Variants in HCN1 observed in about 807,000 individuals in gnomAD.
The protein encoded by HCN1 is potassium/sodium hyperpolarization-activated cyclic nucleotide-gated channel 1.
HCN1 carries 13 observed loss-of-function variants against 78.9 expected under a neutral mutation model. The observed-to-expected ratio is 0.16, with a 90% CI of 0.11 to 0.26. The LOEUF is 0.26. HCN1 is among the 10% of genes least tolerant of loss of function. The pLI, the probability that HCN1 is intolerant of heterozygous loss-of-function variation, is 1.00. For missense variants in HCN1, 810 were observed against 1,154.3 expected (o/e 0.70, Z 4.32); for synonymous variants, 552 against 455.5 (o/e 1.21, Z -2.70).
intron 2 of HCN1, among the ~76,000 whole-genome samples, chr5:45,639,253 T>C (rs1745411143): frequency 6.6e-6 from 1 of 152,184 alleles, no homozygotes; most frequent in Non-Finnish European, 1.5e-5. Context: ...AGAGGACACC[T>C]AGTGGTCTTT....
chr5:45,554,404 T>C (rs1579965929), intron 2 of HCN1, among the ~76,000 whole-genome samples: 2 of 151,726 alleles, frequency 1.3e-5, no homozygotes, highest in African/African-American at 4.8e-5. Context: ...ATAAATGTAT[T>C]ACCATCTTGC....
intron 2 of HCN1, among the ~76,000 whole-genome samples, chr5:45,538,829 G>A (rs982676998): frequency 6.6e-6 from 1 of 152,208 alleles, no homozygotes; most frequent in South Asian, 2.1e-4. Context: ...TTATTAAATT[G>A]CACTCAAAAA....
chr5:45,678,457 G>A (rs2112085259), intron 1 of HCN1, among the ~76,000 whole-genome samples: 1 of 151,918 alleles, frequency 6.6e-6, no homozygotes, highest in Non-Finnish European at 1.5e-5. Context: ...CATTTATATA[G>A]TGGTAGATTG....
intron 6 of HCN1, among the ~76,000 whole-genome samples, chr5:45,301,330 T>A (rs367559545): frequency 1.3e-5 from 2 of 151,298 alleles, no homozygotes; most frequent in Admixed American, 6.6e-5. Context: ...AAAAAATGTA[T>A]TTAGAATATG....
At chr5:45,263,177 A>C (rs1409474166) in intron 7 of HCN1, among the ~76,000 whole-genome samples, 1 of 152,322 alleles carries the variant, frequency 6.6e-6, no homozygotes, top group East Asian at 1.9e-4. Context: ...TCAAGAAAGG[A>C]CCATGGAGAC....
intron 6 of HCN1, among the ~76,000 whole-genome samples, chr5:45,290,705 C>A (rs1745355238): frequency 6.6e-6 from 1 of 151,958 alleles, no homozygotes; most frequent in Non-Finnish European, 1.5e-5. Flanking sequence ...ATGTGTTAGT[C>A]ATGATGCTGA....
At chr5:45,346,190 C>T (rs1746703255) in intron 5 of HCN1, among the ~76,000 whole-genome samples, 1 of 152,190 alleles carries the variant, frequency 6.6e-6, no homozygotes, top group Admixed American at 6.5e-5. Flanking sequence ...CGGGGTCCCT[C>T]CCATGATATG....
chr5:45,543,146 A>C (rs1743138547), intron 2 of HCN1, among the ~76,000 whole-genome samples: 1 of 152,128 alleles, frequency 6.6e-6, no homozygotes, highest in African/African-American at 2.4e-5. Flanking sequence ...TTTTAAGTTT[A>C]TATGTGTATT....
chr5:45,412,660 G>A (rs530665454), intron 3 of HCN1, among the ~76,000 whole-genome samples: 7 of 152,144 alleles, frequency 4.6e-5, no homozygotes, highest in East Asian at 1.9e-4. Context: ...ATTTGAATGC[G>A]TGTATGTTGC....
chr5:45,499,380 A>C (rs1742139364), intron 2 of HCN1, among the ~76,000 whole-genome samples: 1 of 152,024 alleles, frequency 6.6e-6, no homozygotes, highest in Non-Finnish European at 1.5e-5. Flanking sequence ...CCTTTCTTTG[A>C]CTAGGAAAGG....
chr5:45,620,074 A>C (rs2111992955), intron 2 of HCN1, among the ~76,000 whole-genome samples: 1 of 152,222 alleles, frequency 6.6e-6, no homozygotes, highest in African/African-American at 2.4e-5. Context: ...ATTTTTCCTA[A>C]GTGAATAATG....
At chr5:45,661,305 G>A (rs1375117265) in intron 1 of HCN1, among the ~76,000 whole-genome samples, 1 of 136,940 alleles carries the variant, frequency 7.3e-6, no homozygotes, top group Non-Finnish European at 1.6e-5. Context: ...ATTCAAAGCA[G>A]TGTGTAGAGG....
chr5:45,516,591 T>A, intron 2 of HCN1, among the ~76,000 whole-genome samples: 1 of 151,960 alleles, frequency 6.6e-6, no homozygotes, highest in East Asian at 1.9e-4. Flanking sequence ...TTTTTGTAAC[T>A]CTATTGGAAA....
intron 2 of HCN1, among the ~76,000 whole-genome samples, chr5:45,579,934 G>A (rs377390918): frequency 6.6e-6 from 1 of 152,072 alleles, no homozygotes; most frequent in African/African-American, 2.4e-5. Flanking sequence ...AACTCCTTTC[G>A]GATGGTCAAA....
At chr5:45,305,160 G>T (rs951289112) in intron 5 of HCN1, among the ~76,000 whole-genome samples, 1 of 152,128 alleles carries the variant, frequency 6.6e-6, no homozygotes, top group African/African-American at 2.4e-5. Context: ...CAGAGTCTGA[G>T]AACTCTATCT....
chr5:45,291,085 TTCA>T lies in HCN1; in HGVS notation c.1618+12511_1618+12513del, dbSNP rs376887315. ...ACCATCTTTCATATTTTAATTTTTA[TTCA>T]GCCACCGAGGTCATATCTTAGACTT... On this transcript the variant is annotated intron_variant, in intron 6 of 7. Transcript: ENST00000303230. Among the ~76,000 whole-genome samples the T allele has an allele frequency of 6.9e-4, 105 of 152,158 alleles. 1 individual carries two copies. In the East Asian group the frequency reaches 0.012, roughly 18 times the overall value.
chr5:45,461,769 T>G lies in HCN1; in HGVS notation c.1011+77A>C, dbSNP rs1039414975. On this transcript the variant is annotated intron_variant, in intron 3 of 7. Coordinates refer to ENST00000303230, the MANE Select transcript of HCN1 (RefSeq NM_021072.4). ...AAACATTTATAGAGAAGAAATCAGA[T>G]CATTGTAACATAATTACTTAAAAGG... is the stretch of plus-strand genomic sequence containing the variant. The G allele has an allele frequency of 5.3e-5, 65 of 1,237,218 alleles. No homozygotes were observed. The East Asian group carries it at 1.6e-3, about 30-fold the overall frequency. The allele number at this position is 1,237,218 out of a possible 1,614,324, so 76.6% of individuals were successfully genotyped here.
At chr5:45,313,417 A>C (rs894283046) in intron 5 of HCN1, among the ~76,000 whole-genome samples, 1 of 152,208 alleles carries the variant, frequency 6.6e-6, no homozygotes. Context: ...AGGTGGGGAA[A>C]AAAACAGAGC....
intron 4 of HCN1, among the ~76,000 whole-genome samples, chr5:45,371,063 A>C (rs1747345177): frequency 6.6e-6 from 1 of 152,074 alleles, no homozygotes; most frequent in South Asian, 2.1e-4. Context: ...AACTGTGGAC[A>C]ATGAGAATTT....
Sources: gnomAD v4.1 joint callset for allele counts (sites outside exome capture counted in the v4.1 genomes callset) on GRCh38, gnomAD v4.1.1 for gene constraint, MANE v1.5 for transcripts, NCBI Gene and HGNC (gene_info 2026-07-23, HGNC 2026-07-21) for gene names.